The following CTNNA2 variants were observed in gnomAD, a reference collection of about 807,000 sequenced individuals.
The protein encoded by CTNNA2 is catenin alpha-2.
A neutral mutation model predicts 101.0 loss-of-function variants in CTNNA2; 42 were observed. The ratio of observed to expected loss-of-function variants is 0.42; its 90% CI spans 0.32 to 0.54. CTNNA2 has a LOEUF of 0.54. Ranked by LOEUF, CTNNA2 falls within the 20% of genes least tolerant of loss-of-function variation. The pLI is 0.14. For synonymous variants in CTNNA2, 450 were observed against 456.4 expected (o/e 0.99, Z 0.18); for missense variants, 871 against 1,223.1 (o/e 0.71, Z 4.29).
chr2:79,716,113 T>A (rs1355270467), intron 2 of CTNNA2, among the ~76,000 whole-genome samples: 3 of 151,978 alleles, frequency 2.0e-5, no homozygotes, highest in Admixed American at 2.0e-4. Context: ...AGTGAACTAA[T>A]TAAGAACAAA....
chr2:79,594,037 C>T (rs1236621482), intron 1 of CTNNA2, among the ~76,000 whole-genome samples: 1 of 151,608 alleles, frequency 6.6e-6, no homozygotes, highest in Non-Finnish European at 1.5e-5. Context: ...TATAGGCGAC[C>T]ACCACCATGG....
intron 14 of CTNNA2, among the ~76,000 whole-genome samples, chr2:80,589,036 G>A (rs1253936856): frequency 1.3e-5 from 2 of 152,198 alleles, no homozygotes; most frequent in African/African-American, 4.8e-5. Context: ...CCATCAAAGC[G>A]GCAGAGAAGT....
intron 7 of CTNNA2, among the ~76,000 whole-genome samples, chr2:80,121,787 T>C (rs1211669447): frequency 1.3e-5 from 2 of 152,118 alleles, no homozygotes; most frequent in South Asian, 2.1e-4. Flanking sequence ...ATCAACCCCA[T>C]AGAAGATTAC....
chr2:79,220,618 G>A (rs942126559), intron 2 of CTNNA2, among the ~76,000 whole-genome samples: 2 of 152,094 alleles, frequency 1.3e-5, no homozygotes, highest in Admixed American at 6.5e-5. Context: ...GATGGGCATT[G>A]TACATTCTCT....
chr2:79,892,103 C>T (rs1684349154), intron 6 of CTNNA2, among the ~76,000 whole-genome samples: 1 of 151,980 alleles, frequency 6.6e-6, no homozygotes, highest in African/African-American at 2.4e-5. Flanking sequence ...ACACACACTC[C>T]TTAACTATTT....
intron 3 of CTNNA2, among the ~76,000 whole-genome samples, chr2:79,805,746 G>A (rs1211337025): frequency 6.6e-6 from 1 of 151,932 alleles, no homozygotes; most frequent in Non-Finnish European, 1.5e-5. Flanking sequence ...GACCATCCTG[G>A]CTAACACAGT....
intron 11 of CTNNA2, among the ~76,000 whole-genome samples, chr2:80,551,081 A>C (rs192674513): frequency 6.6e-6 from 1 of 152,214 alleles, no homozygotes; most frequent in African/African-American, 2.4e-5. Flanking sequence ...GCAGGAAAGC[A>C]CTATTAATCT....
intron 7 of CTNNA2, among the ~76,000 whole-genome samples, chr2:79,951,991 C>G (rs553737182): frequency 2.0e-5 from 3 of 152,306 alleles, no homozygotes; most frequent in Admixed American, 6.5e-5. Flanking sequence ...GTTGCAGTCT[C>G]TAGGTCTTTG....
intron 2 of CTNNA2, among the ~76,000 whole-genome samples, chr2:79,287,980 C>T (rs182384170): frequency 3.9e-5 from 6 of 152,334 alleles, no homozygotes; most frequent in South Asian, 2.1e-4. Flanking sequence ...GTCGGAAAAG[C>T]GCAGTATCAG....
intron 2 of CTNNA2, among the ~76,000 whole-genome samples, chr2:79,667,514 A>G (rs998637269): frequency 1.3e-5 from 2 of 152,152 alleles, no homozygotes; most frequent in Non-Finnish European, 2.9e-5. Flanking sequence ...TTGGGAGTTT[A>G]TTGAATTGTT....
chr2:80,121,364 T>G (rs1701821498), intron 7 of CTNNA2, among the ~76,000 whole-genome samples: 1 of 152,204 alleles, frequency 6.6e-6, no homozygotes, highest in Admixed American at 6.5e-5. Flanking sequence ...ATTACTTTTA[T>G]CCTCTCCAGC....
At chr2:80,339,562 G>A (rs1012823157) in intron 7 of CTNNA2, among the ~76,000 whole-genome samples, 1 of 152,080 alleles carries the variant, frequency 6.6e-6, no homozygotes, top group Non-Finnish European at 1.5e-5. Flanking sequence ...CTTCCAGTGT[G>A]GATTTAGAAA....
At chr2:80,453,914 G>A (rs543264068) in intron 9 of CTNNA2, among the ~76,000 whole-genome samples, 4 of 152,188 alleles carry the variant, frequency 2.6e-5, no homozygotes, top group Non-Finnish European at 4.4e-5. Flanking sequence ...TGTCCTAGCT[G>A]CTGTAGGAAC....
chr2:79,192,607 A>G (rs1673888999), intron 1 of CTNNA2, among the ~76,000 whole-genome samples: 1 of 152,210 alleles, frequency 6.6e-6, no homozygotes, highest in African/African-American at 2.4e-5. Context: ...CATGCGAATT[A>G]TCTAATTTAA....
intron 1 of CTNNA2, among the ~76,000 whole-genome samples, chr2:79,611,364 T>C (rs10194940): frequency 0.013 from 2,020 of 152,232 alleles, 74 homozygotes; most frequent in East Asian, 0.12. Context: ...GTCATCCAGC[T>C]CTACAAGGAA....
intron 15 of CTNNA2, among the ~76,000 whole-genome samples, chr2:80,591,393 A>C (rs928765149): frequency 6.7e-6 from 1 of 148,446 alleles, no homozygotes; most frequent in Non-Finnish European, 1.5e-5. Flanking sequence ...ACCAGAGTAG[A>C]CTGTGCGTTT....
intron 7 of CTNNA2, among the ~76,000 whole-genome samples, chr2:80,371,265 T>C (rs77699663): frequency 0.015 from 2,357 of 152,284 alleles, 26 homozygotes; most frequent in South Asian, 0.056. Context: ...CATATGGCTG[T>C]CACATGATAG....
chr2:80,233,892 T>C (rs1226188540), intron 7 of CTNNA2, among the ~76,000 whole-genome samples: 1 of 152,174 alleles, frequency 6.6e-6, no homozygotes, highest in Non-Finnish European at 1.5e-5. Flanking sequence ...TTAAGTGTTG[T>C]CCTTGTAGGA....
intron 9 of CTNNA2, among the ~76,000 whole-genome samples, chr2:80,479,612 C>A (rs1363041580): frequency 2.0e-5 from 3 of 151,974 alleles, no homozygotes; most frequent in African/African-American, 7.3e-5. Context: ...GCTCTTGGAT[C>A]AACAGGTGGA....
Sources: gnomAD v4.1 joint callset for allele counts (sites outside exome capture counted in the v4.1 genomes callset) on GRCh38, gnomAD v4.1.1 for gene constraint, MANE v1.5 for transcripts, NCBI Gene and HGNC (gene_info 2026-07-23, HGNC 2026-07-21) for gene names.